Variants in EMSY observed in about 807,000 individuals in gnomAD.
The protein encoded by EMSY is EMSY transcriptional repressor, BRCA2 interacting, also known as BRCA2-interacting transcriptional repressor EMSY.
Under a neutral mutation model 134.6 loss-of-function variants are expected in EMSY, and 26 were observed. That is an observed-to-expected ratio of 0.19 (90% CI 0.14 to 0.27). The LOEUF (loss-of-function observed/expected upper bound fraction) is 0.27. Ranked by LOEUF, EMSY falls within the 10% of genes least tolerant of loss-of-function variation. The pLI, the probability that EMSY is intolerant of heterozygous loss-of-function variation, is 1.00. For missense variants in EMSY, 1,305 were observed against 1,611.4 expected (o/e 0.81, Z 3.26); for synonymous variants, 579 against 577.8 (o/e 1.00, Z -0.03).
chr11:76,463,965 C>T (rs1413918763), exon 7 of EMSY: 1 of 1,614,014 alleles, frequency 6.2e-7, no homozygotes, highest in East Asian at 2.2e-5. Context: ...AGTGGTAGTC[C>T]CAAGATGAGC....
chr11:76,505,188 A>C (rs1950022964), intron 9 of EMSY, among the ~76,000 whole-genome samples: 1 of 152,154 alleles, frequency 6.6e-6, no homozygotes, highest in South Asian at 2.1e-4. Flanking sequence ...AAGCTCTTTA[A>C]GAAAAGAAAA....
At position 76,526,654 on chromosome 11, in the gene EMSY, T is replaced by A; in HGVS notation, c.1995+19T>A. The stretch of plus-strand genomic sequence containing the variant: ...AACGCAGGTATGCTATAAGATATGA[T>A]GATTTTTCTTGGCTCTTAAATATTT... On this transcript the variant is annotated intron_variant, in intron 13 of 20. Transcript: ENST00000334736. 1 of 1,568,466 alleles carries A rather than the reference T, an allele frequency of 6.4e-7. No homozygotes were observed.
At chr11:76,468,906 T>C (rs986514046) in intron 7 of EMSY, among the ~76,000 whole-genome samples, 1 of 152,150 alleles carries the variant, frequency 6.6e-6, no homozygotes, top group Non-Finnish European at 1.5e-5. Flanking sequence ...AGGTCAGTAA[T>C]TTGAATTATG....
chr11:76,519,858 C>T (rs983736162), intron 11 of EMSY, among the ~76,000 whole-genome samples: 12 of 151,998 alleles, frequency 7.9e-5, no homozygotes, highest in Admixed American at 2.6e-4. Context: ...CATTATATCT[C>T]GATTGTTTTA....
intron 1 of EMSY, 40 bp from the exon 2 acceptor site, chr11:76,446,860 G>A: frequency 2.2e-6 from 3 of 1,385,896 alleles, no homozygotes; most frequent in Non-Finnish European, 3.0e-6. Flanking sequence ...AATGTACTTT[G>A]GTACTTTGGT....
chr11:76,525,942 A>T (rs1950830904), intron 12 of EMSY, among the ~76,000 whole-genome samples: 1 of 152,090 alleles, frequency 6.6e-6, no homozygotes, highest in African/African-American at 2.4e-5. Context: ...ATTCTACTAT[A>T]TATCCTTATA....
chr11:76,511,765 T>TC (rs1275686718), intron 9 of EMSY, among the ~76,000 whole-genome samples: 2 of 152,018 alleles, frequency 1.3e-5, no homozygotes, highest in African/African-American at 2.4e-5. Context: ...TAGAAATTAT[T>TC]CCCCCCACAA....
At chr11:76,543,690 G>A (rs1234311655) in intron 18 of EMSY, among the ~76,000 whole-genome samples, 1 of 152,172 alleles carries the variant, frequency 6.6e-6, no homozygotes, top group Non-Finnish European at 1.5e-5. Context: ...GAGCAAAGGG[G>A]CGAGGAATGC....
intron 6 of EMSY, among the ~76,000 whole-genome samples, chr11:76,462,064 T>G (rs894408057): frequency 2.7e-5 from 4 of 150,758 alleles, no homozygotes; most frequent in African/African-American, 9.8e-5. Context: ...TGGTGAAACC[T>G]CATCTCTACT....
intron 14 of EMSY, 107 bp from the exon 16 acceptor site, chr11:76,535,788 A>T: frequency 1.1e-6 from 1 of 905,162 alleles, no homozygotes; most frequent in Non-Finnish European, 1.5e-6. Context: ...CATGAAGTTT[A>T]CAATAAATAG....
intron 9 of EMSY, among the ~76,000 whole-genome samples, chr11:76,511,671 G>T (rs1442277318): frequency 6.6e-6 from 1 of 152,100 alleles, no homozygotes; most frequent in African/African-American, 2.4e-5. Context: ...CTGTACTCCA[G>T]CCTGGAGACA....
intron 9 of EMSY, among the ~76,000 whole-genome samples, chr11:76,508,208 T>G (rs1396329699): frequency 6.6e-6 from 1 of 152,178 alleles, no homozygotes. Flanking sequence ...AAGTTGAAAT[T>G]ATTCCTTGTT....
At chr11:76,450,322 A>C (rs1310291503) in intron 2 of EMSY, among the ~76,000 whole-genome samples, 1 of 152,066 alleles carries the variant, frequency 6.6e-6, no homozygotes, top group African/African-American at 2.4e-5. Context: ...GGGTCCGATA[A>C]AAGCTGAAAC....
intron 9 of EMSY, among the ~76,000 whole-genome samples, chr11:76,509,860 A>G (rs1950212749): frequency 6.6e-6 from 1 of 152,244 alleles, no homozygotes; most frequent in Non-Finnish European, 1.5e-5. Flanking sequence ...CTAACTTTTT[A>G]TACTGGTCAG....
At chr11:76,456,038 C>G (rs1449410667) in intron 4 of EMSY, among the ~76,000 whole-genome samples, 1 of 152,052 alleles carries the variant, frequency 6.6e-6, no homozygotes, top group Non-Finnish European at 1.5e-5. Context: ...TCTTAGATTT[C>G]TCAGAAAAGG....
chr11:76,552,379 A>G (rs1951856714), downstream of EMSY: 1 of 152,202 alleles, frequency 6.6e-6, no homozygotes, highest in African/African-American at 2.4e-5. Flanking sequence ...GATGCCATAT[A>G]TGGATTTTCA....
intron 7 of EMSY, among the ~76,000 whole-genome samples, chr11:76,469,387 T>A (rs149776893): frequency 1.0e-3 from 155 of 152,328 alleles, no homozygotes; most frequent in African/African-American, 3.7e-3. Context: ...CTAATTGCCA[T>A]TACTACTCTA....
intron 12 of EMSY, among the ~76,000 whole-genome samples, chr11:76,525,647 C>T (rs879893316): frequency 1.3e-5 from 2 of 151,816 alleles, no homozygotes; most frequent in Non-Finnish European, 2.9e-5. Context: ...GAAAATGGTA[C>T]TTAAGAATAA....
At chr11:76,458,120 T>C in intron 4 of EMSY, 63 bp from the exon 6 acceptor site, 6 of 1,454,700 alleles carry the variant, frequency 4.1e-6, no homozygotes, top group Non-Finnish European at 5.6e-6. Flanking sequence ...TGTTTGAGCA[T>C]ATATGTTTGA....
Sources: allele counts gnomAD v4.1 joint callset (sites outside exome capture counted in the v4.1 genomes callset), GRCh38; gene constraint gnomAD v4.1.1; transcripts MANE v1.5; gene names NCBI Gene and HGNC (gene_info 2026-07-23, HGNC 2026-07-21).